TAS2R4: variants seen among roughly 807,000 people sequenced by gnomAD.
TAS2R4 encodes the protein taste 2 receptor member 4, also known as taste receptor type 2 member 4.
A neutral mutation model predicts 14.3 loss-of-function variants in TAS2R4; 18 were observed. The observed-to-expected ratio is 1.26, with a 90% CI of 0.87 to 1.86. The LOEUF is 1.86. Among genes scored for constraint, TAS2R4 ranks in the 40% most tolerant of loss-of-function variants. TAS2R4 has a pLI of 0.00. For missense variants in TAS2R4, 306 were observed against 342.7 expected (o/e 0.89, Z 0.85); for synonymous variants, 130 against 138.5 (o/e 0.94, Z 0.43).
Position 141,777,891 on chromosome 7 carries a change from T to A in TAS2R4, c.-598T>A, listed in dbSNP as rs79635424. The stretch of plus-strand genomic sequence containing the variant: ...GGAGGTATTGGGTCTTTGAACTTGA[T>A]CTATTAGATCACTGTAAATCGCTAT... On this transcript the variant is annotated 5_prime_UTR_variant, in exon 1 of 1. Coordinates refer to ENST00000247881, the MANE Select transcript of TAS2R4 (RefSeq NM_016944.2). 0.016 allele frequency among the ~76,000 whole-genome samples: 2,506 copies of A among 152,284 alleles called. 84 individuals carry two copies. The highest frequency in any genetic ancestry group is 0.057 in the African/African-American group (2,375 of 41,556).
Position 141,777,579 on chromosome 7 carries a change from A to G in TAS2R4, c.-910A>G, listed in dbSNP as rs532663212. 6.2e-4 allele frequency among the ~76,000 whole-genome samples: 94 copies of G among 152,342 alleles called. No homozygotes were observed. In the Middle Eastern group the frequency reaches 0.014, roughly 22 times the overall value. On this transcript the variant is annotated 5_prime_UTR_variant, in exon 1 of 1. An upstream start codon of the reference 5' UTR is lost. Transcript: ENST00000247881. ...TGAGCAAGTACAGAGAAATCCAGCA[A>G]TGAGATGCCTAGCTGTTTGGCTCAC...
In TAS2R4 at chr7:141,778,318, A is replaced by G; in HGVS notation, c.-171A>G. The G allele has an allele frequency of 3.3e-6, 2 of 608,736 alleles. No individual in the cohort carries two copies. Among genetic ancestry groups the G allele is most frequent in the East Asian group, 5.6e-5 (2 of 36,024 alleles). The allele number at this position is 608,736 out of a possible 1,614,324, so 37.7% of individuals were successfully genotyped here. On this transcript the variant is annotated 5_prime_UTR_variant, in exon 1 of 1. Transcript: ENST00000247881. ...GTAATGTAATCCTTGGAAGATTTGCATCTCAGTAAAATCAGGTGGCCCTTG... is the reference window on the plus strand; with the variant it reads ...GTAATGTAATCCTTGGAAGATTTGCGTCTCAGTAAAATCAGGTGGCCCTTG...
chr7:141,781,450 A>G lies in TAS2R4; in HGVS notation c.*2062A>G, dbSNP rs183394693. Among the ~76,000 whole-genome samples, 4 of 152,180 alleles carry G rather than the reference A, an allele frequency of 2.6e-5. No homozygotes were observed. Among genetic ancestry groups the G allele is most frequent in the Admixed American group, 6.5e-5 (1 of 15,278 alleles). On this transcript the variant is annotated 3_prime_UTR_variant, in exon 1 of 1. Coordinates refer to ENST00000247881, the MANE Select transcript of TAS2R4 (RefSeq NM_016944.2). Reference sequence around the variant, plus strand: ...TCAAATAACCTATGCTATACCTTAAATATACACAATAATATATATCTTTAT... The same window carrying G: ...TCAAATAACCTATGCTATACCTTAAGTATACACAATAATATATATCTTTAT...
rs1800314548 is a variant in TAS2R4 at position 141,781,073 on chromosome 7, G to C, written c.*1685G>C. On this transcript the variant is annotated 3_prime_UTR_variant, in exon 1 of 1. Coordinates refer to ENST00000247881, the MANE Select transcript of TAS2R4 (RefSeq NM_016944.2). The stretch of plus-strand genomic sequence containing the variant: ...TAGTAATCAAATCATTAGCTGTTCA[G>C]AATTTTGGCAGCAAATTCCATTATT... Among the ~76,000 whole-genome samples the C allele has an allele frequency of 6.6e-6, 1 of 152,066 alleles. No individual in the cohort carries two copies. The highest frequency in any genetic ancestry group is 2.1e-4 in the South Asian group (1 of 4,780).
chr7:141,778,846 C>T lies in TAS2R4; in HGVS notation c.358C>T (p.Leu120=). ...ITNFQHSVFL[L]LKRNISPKIP... ...TAACTTCCAACACTCAGTGTTTCTC[C>T]TGCTGAAGCGGAATATCTCCCCAAA... The change falls in exon 1 of 1, where the codon CTG becomes TTG. Residue 120 remains leucine, a synonymous_variant. Transcript: ENST00000247881. 2 of 1,614,226 alleles carry T rather than the reference C, an allele frequency of 1.2e-6. No individual in the cohort carries two copies. Among genetic ancestry groups the T allele is most frequent in the Non-Finnish European group, 1.7e-6 (2 of 1,180,038 alleles).
At position 141,777,044 on chromosome 7, in the gene TAS2R4, T is replaced by C. The variant is rs1331957132; in HGVS notation, c.-1445T>C. Among the ~76,000 whole-genome samples, 1 of 152,244 alleles carries C rather than the reference T, an allele frequency of 6.6e-6. No homozygotes were observed. Among genetic ancestry groups the C allele is most frequent in the African/African-American group, 2.4e-5 (1 of 41,462 alleles). ...GGCTTACTCTATATCATTTATTCTA[T>C]TTAAATGTGATGTTAGTAATATTTC... On this transcript the variant is annotated 5_prime_UTR_variant, in exon 1 of 1. Transcript: ENST00000247881.
rs756279122 is a variant in TAS2R4 at position 141,779,234 on chromosome 7, A to G, written c.746A>G (p.Gln249Arg). 5.0e-5 allele frequency: 81 copies of G among 1,614,080 alleles called. No homozygotes were observed. Among genetic ancestry groups the G allele is most frequent in the Middle Eastern group, 1.6e-4 (1 of 6,084 alleles). Residue 249 changes from glutamine (Q) to arginine (R), a missense_variant, in exon 1 of 1, where the codon CAG (glutamine) becomes CGG (arginine). Physicochemically the swap from Gln to Arg is conservative, Grantham distance 43. Transcript: ENST00000247881. ...YIPYSVATLV[Q>R]YLPFYAGMDM... Reference sequence around the variant, plus strand: ...CCATATTCAGTTGCTACCCTGGTCCAGTATCTCCCCTTTTATGCAGGGATG... The same window carrying G: ...CCATATTCAGTTGCTACCCTGGTCCGGTATCTCCCCTTTTATGCAGGGATG...
rs1438256185 is a variant in TAS2R4, at chr7:141,777,129, T to C, written c.-1360T>C. Among the ~76,000 whole-genome samples the C allele has an allele frequency of 2.0e-5, 3 of 152,196 alleles. No individual in the cohort carries two copies. The highest frequency in any genetic ancestry group is 7.2e-5 in the African/African-American group (3 of 41,458). On this transcript the variant is annotated 5_prime_UTR_variant, in exon 1 of 1. Transcript: ENST00000247881. ...AGTAATTGGAAATCTGTGCTATAAT[T>C]TTCCTTTTAGTCATAGTCTTCCTGG...
Position 141,778,719 on chromosome 7 carries a change from A to C in TAS2R4, c.231A>C (p.Ser77=). 3 of 1,614,216 alleles carry C rather than the reference A, an allele frequency of 1.9e-6. No individual in the cohort carries two copies. Among genetic ancestry groups the C allele is most frequent in the Non-Finnish European group, 2.5e-6 (3 of 1,180,046 alleles). Residue 77 remains serine (S), a synonymous_variant, in exon 1 of 1, where the codon TCA becomes TCC. Transcript: ENST00000247881. ...IYFVSSNTER[S]VYLSAFFVLC... is the part of the protein sequence containing the mutation. ...TCGTCTCTTCAAATACGGAAAGGTC[A>C]GTCTACCTGTCTGCTTTTTTTGTGT...
Position 141,778,987 on chromosome 7 carries a change from T to C in TAS2R4, c.499T>C (p.Ser167Pro). ...ACTTGTGACTACGAGAAATAACACA[T>C]CATTTAATATCAGTGAGGGCATCTT... ...PELVTTRNNT[S>P]FNISEGILSL... The change falls in exon 1 of 1, where the codon TCA becomes CCA. Residue 167 changes from serine to proline, a missense_variant. Coordinates refer to ENST00000247881, the MANE Select transcript of TAS2R4 (RefSeq NM_016944.2). The C allele has an allele frequency of 6.2e-7, 1 of 1,614,204 alleles. No individual in the cohort carries two copies. The highest frequency in any genetic ancestry group is 8.5e-7 in the Non-Finnish European group (1 of 1,180,036).
Position 141,779,458 on chromosome 7 carries a change from C to G in TAS2R4, c.*70C>G. The G allele has an allele frequency of 6.9e-7, 1 of 1,440,584 alleles. No homozygotes were observed. The highest frequency in any genetic ancestry group is 1.4e-5 in the South Asian group (1 of 70,230). 89.2% of individuals were successfully genotyped at this position (1,440,584 alleles called of 1,614,324 possible). ...GGCAAGATTTTCTGTTTGCAGTTTT[C>G]CCAGTGATCTGGGGAATTCAGTTTT... On this transcript the variant is annotated 3_prime_UTR_variant, in exon 1 of 1. Coordinates refer to ENST00000247881, the MANE Select transcript of TAS2R4 (RefSeq NM_016944.2).
chr7:141,779,554 TGGTATGTAAGTA>T lies in TAS2R4; in HGVS notation c.*167_*178del. On this transcript the variant is annotated 3_prime_UTR_variant, in exon 1 of 1. Transcript: ENST00000247881. ...AGTTCATTCTGTAATTTTTTTTTTT[TGGTATGTAAGTA>T]TTTTAAAATAAGGCACATTCTGTAA... 5.5e-6 allele frequency: 3 copies of T among 542,626 alleles called. No individual in the cohort carries two copies. Among genetic ancestry groups the T allele is most frequent in the Non-Finnish European group, 8.9e-6 (3 of 335,504 alleles). 33.6% of individuals were successfully genotyped at this position (542,626 alleles called of 1,614,324 possible).
chr7:141,779,110 C>T lies in TAS2R4; in HGVS notation c.622C>T (p.Gln208Ter). The T allele has an allele frequency of 6.2e-7, 1 of 1,614,210 alleles. No homozygotes were observed. Reference protein sequence around the residue: ...LLIHSLRRHIQKMQKNATGFW... With the variant: ...LLIHSLRRHI ...AATACACTCCTTGAGGAGACATATACAGAAGATGCAGAAAAATGCCACTGG... is the reference window on the plus strand; with the variant it reads ...AATACACTCCTTGAGGAGACATATATAGAAGATGCAGAAAAATGCCACTGG... The change falls in exon 1 of 1, where the codon CAG becomes TAG. Residue 208 changes from glutamine (Q) to a stop codon, truncating the protein, a stop_gained. Coordinates refer to ENST00000247881, the MANE Select transcript of TAS2R4 (RefSeq NM_016944.2). LOFTEE classifies it high-confidence loss of function.
Position 141,778,492 on chromosome 7 carries a change from C to T in TAS2R4, c.4C>T (p.Leu2Phe). Residue 2 changes from leucine (L) to phenylalanine (F), a missense_variant, in exon 1 of 1, where the codon CTT (leucine) becomes TTT (phenylalanine). Leu to Phe is a conservative substitution (Grantham distance 22). Coordinates refer to ENST00000247881, the MANE Select transcript of TAS2R4 (RefSeq NM_016944.2). The part of the protein sequence containing the change: M[L>F]RLFYFSAIIA... ...GCTGAATCCTCAATGAGTAAAGATGCTTCGGTTATTCTATTTCTCTGCTAT... is the reference window on the plus strand; with the variant it reads ...GCTGAATCCTCAATGAGTAAAGATGTTTCGGTTATTCTATTTCTCTGCTAT... The T allele has an allele frequency of 6.2e-7, 1 of 1,607,896 alleles. No individual in the cohort carries two copies. The highest frequency in any genetic ancestry group is 8.5e-7 in the Non-Finnish European group (1 of 1,177,126).
rs761531966 is a variant in TAS2R4 at position 141,778,922 on chromosome 7, G to C, written c.434G>C (p.Cys145Ser). ...GTGCTGATTTCTGCTTTCACCACTT[G>C]CCTGTACATCACGCTTAGCCAGGCA... ...ACVLISAFTTCLYITLSQASP... is the reference protein window; with the variant it reads ...ACVLISAFTTSLYITLSQASP... Residue 145 changes from cysteine to serine, a missense_variant, in exon 1 of 1, where the codon TGC (cysteine) becomes TCC (serine). Coordinates refer to ENST00000247881, the MANE Select transcript of TAS2R4 (RefSeq NM_016944.2). The C allele has an allele frequency of 2.5e-6, 4 of 1,614,160 alleles. No homozygotes were observed. The African/African-American group carries it at 5.3e-5, about 22-fold the overall frequency.
In TAS2R4 at chr7:141,779,542, A is replaced by AT. The variant is rs3840580; in HGVS notation, c.*166dup. 10,681 of 601,398 alleles carry AT rather than the reference A, an allele frequency of 0.018. 3 individuals carry two copies. The highest frequency in any genetic ancestry group is 0.025 in the Middle Eastern group (49 of 1,972). 37.3% of individuals were successfully genotyped at this position (601,398 alleles called of 1,614,324 possible). ...TGCCTGAATTTCAGTTCATTCTGTA[A>AT]TTTTTTTTTTTTGGTATGTAAGTAT... On this transcript the variant is annotated 3_prime_UTR_variant, in exon 1 of 1. Coordinates refer to ENST00000247881, the MANE Select transcript of TAS2R4 (RefSeq NM_016944.2).
In TAS2R4 at chr7:141,780,620, C is replaced by G. The variant is rs1366594247; in HGVS notation, c.*1232C>G. On this transcript the variant is annotated 3_prime_UTR_variant, in exon 1 of 1. Coordinates refer to ENST00000247881, the MANE Select transcript of TAS2R4 (RefSeq NM_016944.2). The stretch of plus-strand genomic sequence containing the variant: ...TACATTTGTACACAGCACAGTTCTT[C>G]TCCAGAATGTTGTTTCTGTGGCTGG... The G allele has an allele frequency of 6.6e-6, 1 of 152,166 alleles. No individual in the cohort carries two copies. Among genetic ancestry groups the G allele is most frequent in the African/African-American group, 2.4e-5 (1 of 41,434 alleles). The allele number at this position is 152,166 out of a possible 1,614,324, so 9.4% of individuals were successfully genotyped here. A position where few individuals can be genotyped will look rare whatever the true frequency, so the allele number is the denominator to read the frequency against.
Position 141,781,249 on chromosome 7 carries a change from G to C in TAS2R4, c.*1861G>C, listed in dbSNP as rs972346144. On this transcript the variant is annotated 3_prime_UTR_variant, in exon 1 of 1. Transcript: ENST00000247881. Reference sequence around the variant, plus strand: ...GTCTATCTTGGACAATGCAGATGAGGTGAATGCTTGGGATAGTGAAGTAAT... The same window carrying C: ...GTCTATCTTGGACAATGCAGATGAGCTGAATGCTTGGGATAGTGAAGTAAT... Among the ~76,000 whole-genome samples the C allele has an allele frequency of 3.5e-4, 53 of 152,186 alleles. No homozygotes were observed. The highest frequency in any genetic ancestry group is 1.3e-3 in the African/African-American group (52 of 41,442).
rs142884687 is a variant in TAS2R4 at position 141,778,685 on chromosome 7, C to G, written c.197C>G (p.Thr66Ser). ...FLMLGLFLVN[T>S]IYFVSSNTER... ...ATGCTGGGACTATTTCTGGTGAACACCATCTACTTCGTCTCTTCAAATACG... is the reference window on the plus strand; with the variant it reads ...ATGCTGGGACTATTTCTGGTGAACAGCATCTACTTCGTCTCTTCAAATACG... Residue 66 changes from threonine (T) to serine (S), a missense_variant, in exon 1 of 1, where the codon ACC becomes AGC. By Grantham distance (58) the Thr-to-Ser change is moderately conservative (BLOSUM62 1). Transcript: ENST00000247881. 3 of 1,614,102 alleles carry G rather than the reference C, an allele frequency of 1.9e-6. No homozygotes were observed. The African/African-American group carries it at 4.0e-5, about 22-fold the overall frequency.
Sources: allele counts gnomAD v4.1 joint callset (sites outside exome capture counted in the v4.1 genomes callset), GRCh38; gene constraint gnomAD v4.1.1; transcripts MANE v1.5; gene names NCBI Gene and HGNC (gene_info 2026-07-23, HGNC 2026-07-21).